The following ERBB4 variants were observed in gnomAD, a reference collection of about 807,000 sequenced individuals.
ERBB4 encodes the protein erb-b2 receptor tyrosine kinase 4.
A neutral mutation model predicts 158.0 loss-of-function variants in ERBB4; 42 were observed. The ratio of observed to expected loss-of-function variants is 0.27; its 90% CI spans 0.21 to 0.34. The LOEUF (loss-of-function observed/expected upper bound fraction) is 0.34. Among genes scored for constraint, ERBB4 ranks in the 10% least tolerant of loss-of-function variants. The pLI is 1.00. For missense variants in ERBB4, 1,333 were observed against 1,624.1 expected, an observed-to-expected ratio of 0.82 and a Z score of 3.08; for synonymous variants, 583 against 558.7, an observed-to-expected ratio of 1.04 and a Z score of -0.61.
At chr2:211,596,295 G>C (rs1024923723) in intron 19 of ERBB4, among the ~76,000 whole-genome samples, 1 of 151,844 alleles carries the variant, frequency 6.6e-6, no homozygotes, top group Non-Finnish European at 1.5e-5. Flanking sequence ...GTCCAATAAA[G>C]AGGAAGTACA....
At chr2:211,821,997 A>G (rs2105944555) in intron 3 of ERBB4, among the ~76,000 whole-genome samples, 1 of 152,112 alleles carries the variant, frequency 6.6e-6, no homozygotes, top group African/African-American at 2.4e-5. Flanking sequence ...CATAAAAATA[A>G]ACAAATGGGA....
In ERBB4 at chr2:211,619,186, C is replaced by A. The variant is rs1315153014; in HGVS notation, c.2292G>T (p.Glu764Asp). The change falls in exon 19 of 28, where the codon GAG (glutamate) becomes GAT (aspartate). Residue 764 changes from glutamate to aspartate, a missense_variant. By Grantham distance (45) the Glu-to-Asp change is conservative. Coordinates refer to ENST00000342788, the MANE Select transcript of ERBB4 (RefSeq NM_005235.3). Reference sequence around the variant, plus strand: ...GGGTGTCTGTACTTACATCCATGAACTCCACATTTGCCTTGGGACCAGTTG... The same window carrying A: ...GGGTGTCTGTACTTACATCCATGAAATCCACATTTGCCTTGGGACCAGTTG... ...NETTGPKANV[E>D]FMDEALIMAS... is the part of the protein sequence containing the mutation. 3 of 1,592,186 alleles carry A rather than the reference C, an allele frequency of 1.9e-6. No homozygotes were observed. The highest frequency in any genetic ancestry group is 3.3e-5 in the Admixed American group (2 of 59,852).
chr2:212,173,721 C>T (rs1427740807), intron 1 of ERBB4, among the ~76,000 whole-genome samples: 2 of 151,968 alleles, frequency 1.3e-5, no homozygotes, highest in Non-Finnish European at 2.9e-5. Flanking sequence ...TAGGCAAATC[C>T]TCAGAAGAGA....
chr2:211,786,135 A>G (rs911784662), intron 4 of ERBB4, among the ~76,000 whole-genome samples: 23 of 152,204 alleles, frequency 1.5e-4, no homozygotes, highest in Admixed American at 1.0e-3. Flanking sequence ...AGCCAAGTGA[A>G]AGTAAAGATA....
At chr2:211,769,708 A>G (rs541254690) in intron 4 of ERBB4, among the ~76,000 whole-genome samples, 17 of 152,344 alleles carry the variant, frequency 1.1e-4, no homozygotes, top group African/African-American at 4.1e-4. Context: ...CACTGGTGTT[A>G]AGTCCAAGAG....
intron 18 of ERBB4, among the ~76,000 whole-genome samples, chr2:211,619,616 T>C (rs1177708144): frequency 1.3e-5 from 2 of 152,124 alleles, no homozygotes; most frequent in African/African-American, 4.8e-5. Flanking sequence ...CATCGACTTT[T>C]TGAGATGGTT....
chr2:211,871,217 G>A (rs2106114042), intron 3 of ERBB4, among the ~76,000 whole-genome samples: 1 of 152,256 alleles, frequency 6.6e-6, no homozygotes, highest in Non-Finnish European at 1.5e-5. Flanking sequence ...TTTTTAAGCT[G>A]CCAAAAGATA....
At chr2:211,515,691 T>C (rs753113440) in intron 20 of ERBB4, among the ~76,000 whole-genome samples, 7 of 150,770 alleles carry the variant, frequency 4.6e-5, no homozygotes, top group Non-Finnish European at 1.0e-4. Flanking sequence ...TAATCCAGTA[T>C]GGCAGGGCAA....
At chr2:211,896,133 C>CA (rs1559624010) in intron 3 of ERBB4, among the ~76,000 whole-genome samples, 1 of 152,146 alleles carries the variant, frequency 6.6e-6, no homozygotes, top group Non-Finnish European at 1.5e-5. Context: ...ACACAGTTGA[C>CA]AAAATATGTC....
chr2:212,479,056 G>C (rs1175636856), intron 1 of ERBB4, among the ~76,000 whole-genome samples: 1 of 152,130 alleles, frequency 6.6e-6, no homozygotes, highest in Non-Finnish European at 1.5e-5. Context: ...CATATATTTA[G>C]GGATGTTTGT....
intron 1 of ERBB4, among the ~76,000 whole-genome samples, chr2:212,321,928 T>C (rs2087584623): frequency 6.7e-6 from 1 of 150,104 alleles, no homozygotes; most frequent in Non-Finnish European, 1.5e-5. Flanking sequence ...GCTACAGAGA[T>C]GGAATGTTGC....
rs1027361851 is a variant in ERBB4, at chr2:212,436,893, T to A, written c.82+101556A>T. Among the ~76,000 whole-genome samples the A allele has an allele frequency of 1.3e-5, 2 of 151,810 alleles. 1 individual carries two copies. The highest frequency in any genetic ancestry group is 4.2e-4 in the South Asian group (2 of 4,818). On this transcript the variant is annotated intron_variant, in intron 1 of 27. Transcript: ENST00000342788. ...GGGTAGAGCACACCAGAGACAAGAA[T>A]AGGTTGGAGGCCAGGCAAACTAGAG...
At chr2:212,176,673 C>T (rs543677322) in intron 1 of ERBB4, among the ~76,000 whole-genome samples, 2 of 152,070 alleles carry the variant, frequency 1.3e-5, no homozygotes, top group South Asian at 2.1e-4. Flanking sequence ...CTTATTTACA[C>T]TTATTCTAGG....
At chr2:211,595,475 G>A (rs2125801695) in intron 19 of ERBB4, among the ~76,000 whole-genome samples, 1 of 151,704 alleles carries the variant, frequency 6.6e-6, no homozygotes, top group Admixed American at 6.6e-5. Flanking sequence ...AGGATGAGAG[G>A]GTCTTGTAAA....
intron 3 of ERBB4, among the ~76,000 whole-genome samples, chr2:211,874,196 T>G (rs2078433381): frequency 6.6e-6 from 1 of 152,102 alleles, no homozygotes; most frequent in South Asian, 2.1e-4. Flanking sequence ...ATTTTTTTTC[T>G]CATTTTGCTA....
intron 20 of ERBB4, among the ~76,000 whole-genome samples, chr2:211,463,891 C>T (rs531367266): frequency 1.5e-4 from 23 of 152,246 alleles, no homozygotes; most frequent in African/African-American, 2.2e-4. Context: ...CCATCACTCA[C>T]GTTGCTGTAG....
At chr2:212,269,352 C>T (rs1336794146) in intron 1 of ERBB4, among the ~76,000 whole-genome samples, 1 of 151,602 alleles carries the variant, frequency 6.6e-6, no homozygotes, top group African/African-American at 2.4e-5. Context: ...TTGAGTATGC[C>T]CAATTCATAC....
intron 3 of ERBB4, among the ~76,000 whole-genome samples, chr2:211,878,007 C>T (rs1323269239): frequency 6.6e-6 from 1 of 152,120 alleles, no homozygotes. Flanking sequence ...ATTCAGGAGG[C>T]TGAGGAAGCA....
intron 1 of ERBB4, among the ~76,000 whole-genome samples, chr2:212,188,218 CT>C (rs2082076240): frequency 2.9e-5 from 1 of 34,784 alleles, no homozygotes; most frequent in African/African-American, 1.0e-4. Flanking sequence ...CTCTCTCTCT[CT>C]CTCTCTCTCT....
Sources: allele counts gnomAD v4.1 joint callset (sites outside exome capture counted in the v4.1 genomes callset), GRCh38; gene constraint gnomAD v4.1.1; transcripts MANE v1.5; gene names NCBI Gene and HGNC (gene_info 2026-07-23, HGNC 2026-07-21).